The following RRM2 variants were observed in gnomAD, a reference collection of about 807,000 sequenced individuals.
RRM2 encodes the protein ribonucleoside-diphosphate reductase subunit M2.
Under a neutral mutation model 45.9 loss-of-function variants are expected in RRM2, and 6 were observed. The ratio of observed to expected loss-of-function variants is 0.13; its 90% CI spans 0.07 to 0.26. The LOEUF (loss-of-function observed/expected upper bound fraction) is 0.26, where lower values mean the gene tolerates loss of function less well. Among genes scored for constraint, RRM2 ranks in the 10% least tolerant of loss-of-function variants. The pLI is 1.00. For missense variants in RRM2, 343 were observed against 489.5 expected, an observed-to-expected ratio of 0.70 and a Z score of 2.82; for synonymous variants, 177 against 173.0, an observed-to-expected ratio of 1.02 and a Z score of -0.18.
chr2:10,153,099 A>G (rs1254114041), intron 3 of RRM2, among the ~76,000 whole-genome samples: 1 of 152,122 alleles, frequency 6.6e-6, no homozygotes, highest in Non-Finnish European at 1.5e-5. Flanking sequence ...TGGGAGGCCA[A>G]AGTAGGTGAA....
chr2:10,174,574 TA>T (rs5829250), intron 3 of RRM2, among the ~76,000 whole-genome samples: 53,789 of 143,400 alleles, frequency 0.38, 10,791 homozygotes, highest in African/African-American at 0.53. Context: ...ATTATTTCCT[TA>T]AAAAAAAAAA....
At chr2:10,197,846 G>C (rs1052324380) in intron 3 of RRM2, among the ~76,000 whole-genome samples, 1 of 152,128 alleles carries the variant, frequency 6.6e-6, no homozygotes, top group African/African-American at 2.4e-5. Context: ...TAAGGCCCAG[G>C]CTCTGGGAGG....
chr2:10,196,441 C>T (rs1452772270), intron 3 of RRM2, among the ~76,000 whole-genome samples: 1 of 152,198 alleles, frequency 6.6e-6, no homozygotes, highest in Non-Finnish European at 1.5e-5. Context: ...GTGGCTGTTT[C>T]TGTGGTGACC....
At chr2:10,203,143 A>T (rs1204444932) in intron 3 of RRM2, among the ~76,000 whole-genome samples, 1 of 152,194 alleles carries the variant, frequency 6.6e-6, no homozygotes, top group Admixed American at 6.5e-5. Flanking sequence ...ACCCACCCAC[A>T]TCTGGCTCGG....
At chr2:10,178,821 G>A (rs1171663179) in intron 3 of RRM2, among the ~76,000 whole-genome samples, 1 of 152,184 alleles carries the variant, frequency 6.6e-6, no homozygotes, top group Non-Finnish European at 1.5e-5. Context: ...CACGAGGGCT[G>A]TGACCTCATG....
At chr2:10,156,301 C>T (rs1268780264) in intron 3 of RRM2, 1 of 152,250 alleles carries the variant, frequency 6.6e-6, no homozygotes, top group East Asian at 1.9e-4. Context: ...TGTTGGGCCA[C>T]ATTCAAAGCC....
chr2:10,146,547 TG>T (rs1558387524), intron 3 of RRM2, among the ~76,000 whole-genome samples: 1 of 152,250 alleles, frequency 6.6e-6, no homozygotes, highest in Non-Finnish European at 1.5e-5. Flanking sequence ...GGTTGCCTTC[TG>T]GGGGCTGCTA....
In RRM2 at chr2:10,123,043, G is replaced by T; in HGVS notation, c.160G>T (p.Glu54Ter). 1 of 1,563,154 alleles carries T rather than the reference G, an allele frequency of 6.4e-7. No individual in the cohort carries two copies. Among genetic ancestry groups the T allele is most frequent in the East Asian group, 2.3e-5 (1 of 43,430 alleles). Residue 54 changes from glutamate (E) to a stop codon, truncating the protein, a stop_gained, in exon 2 of 10, where the codon GAG becomes TAG. Coordinates refer to ENST00000304567, the MANE Select transcript of RRM2 (RefSeq NM_001034.4). LOFTEE classifies it high-confidence loss of function. The part of the protein sequence containing the change: ...ASKTARRIFQ[E>*]PTEPKTKAAA... Reference sequence around the variant, plus strand: ...CAAGACCGCGAGGAGGATCTTCCAGGAGCCCACGGAGCCGGTGAGTGGCGG... The same window carrying T: ...CAAGACCGCGAGGAGGATCTTCCAGTAGCCCACGGAGCCGGTGAGTGGCGG...
intron 3 of RRM2, among the ~76,000 whole-genome samples, chr2:10,170,019 C>A (rs1013246043): frequency 2.0e-5 from 3 of 152,154 alleles, no homozygotes; most frequent in Admixed American, 6.5e-5. Context: ...GCAGCTGATG[C>A]CCCTGCTGTC....
At chr2:10,203,029 G>A (rs978276193) in intron 3 of RRM2, among the ~76,000 whole-genome samples, 7 of 152,196 alleles carry the variant, frequency 4.6e-5, no homozygotes, top group African/African-American at 1.7e-4. Flanking sequence ...GCTGCAGCTT[G>A]GCCAAAAGGC....
At chr2:10,189,410 C>T (rs545897629) in intron 3 of RRM2, among the ~76,000 whole-genome samples, 22 of 152,314 alleles carry the variant, frequency 1.4e-4, no homozygotes, top group East Asian at 1.2e-3. Context: ...GCCAAAGTGA[C>T]GAGGCCACAC....
chr2:10,170,733 G>T (rs972629980), intron 3 of RRM2, among the ~76,000 whole-genome samples: 2 of 152,172 alleles, frequency 1.3e-5, no homozygotes, highest in Non-Finnish European at 2.9e-5. Flanking sequence ...GGGGTGTGCA[G>T]GCTCCCGTGT....
chr2:10,202,209 T>C (rs1664580894), intron 3 of RRM2, among the ~76,000 whole-genome samples: 1 of 151,964 alleles, frequency 6.6e-6, no homozygotes, highest in Admixed American at 6.5e-5. Context: ...TTTATCCAAC[T>C]GAAAAAAAAA....
At chr2:10,128,451 A>C (rs1008200023) in intron 7 of RRM2, among the ~76,000 whole-genome samples, 1 of 152,254 alleles carries the variant, frequency 6.6e-6, no homozygotes, top group African/African-American at 2.4e-5. Context: ...TTGAAATTGC[A>C]TACAAATTTC....
rs1444878226 is a variant in RRM2, at chr2:10,127,631, T to G, written c.798+411T>G. Among the ~76,000 whole-genome samples the G allele has an allele frequency of 1.3e-5, 2 of 152,106 alleles. No individual in the cohort carries two copies. Among genetic ancestry groups the G allele is most frequent in the East Asian group, 3.9e-4 (2 of 5,086 alleles). ...CTGGGATTGTAGGTGCCTGCCACCA[T>G]GCCCAGCTAATTTTCGTCTTTTTAT... On this transcript the variant is annotated intron_variant, in intron 7 of 9. Transcript: ENST00000304567. The surrounding 1 kb of genome is among the most constrained non-coding windows in gnomAD (Gnocchi z 4.1).
chr2:10,178,282 G>A (rs1236344070), intron 3 of RRM2, among the ~76,000 whole-genome samples: 1 of 146,668 alleles, frequency 6.8e-6, no homozygotes, highest in Admixed American at 7.0e-5. Flanking sequence ...GAGTGCAATG[G>A]CACCATCTCA....
rs564371198 is a variant in RRM2 at position 10,200,685 on chromosome 2, A to G, written n.483-9626A>G. 7.9e-4 allele frequency among the ~76,000 whole-genome samples: 97 copies of G among 122,324 alleles called. 20 individuals carry two copies. Among genetic ancestry groups the G allele is most frequent in the African/African-American group, 1.2e-3 (34 of 27,502 alleles). The allele number at this position is 122,324 out of a possible 152,430, so 80.2% of individuals were successfully genotyped here. ...TATGAGGCCCACAGGGACTGCGCGC[A>G]CAAATTATGAGTCCCACGGGGACCG... On this transcript the variant is annotated intron_variant and non_coding_transcript_variant, in intron 3 of 3. Coordinates refer to the RRM2 transcript ENST00000381786.
chr2:10,178,832 A>G (rs1367115962), intron 3 of RRM2, among the ~76,000 whole-genome samples: 1 of 152,262 alleles, frequency 6.6e-6, no homozygotes, highest in Non-Finnish European at 1.5e-5. Context: ...TGACCTCATG[A>G]GTAGGATTAA....
intron 3 of RRM2, among the ~76,000 whole-genome samples, chr2:10,181,772 TTTTTTTTTTA>T (rs1159085472): frequency 1.0e-4 from 11 of 106,862 alleles, no homozygotes; most frequent in African/African-American, 3.2e-4. Flanking sequence ...TTTTTTTTTT[TTTTTTTTTTA>T]AGACAGGGTC....
Sources: gnomAD v4.1 joint callset for allele counts (sites outside exome capture counted in the v4.1 genomes callset) on GRCh38, gnomAD v4.1.1 for gene constraint, Gnocchi (gnomAD v3.1) non-coding constraint, MANE v1.5 for transcripts, NCBI Gene and HGNC (gene_info 2026-07-23, HGNC 2026-07-21) for gene names.